Variants in DSE observed in about 807,000 individuals in gnomAD.
DSE encodes dermatan sulfate epimerase, also known as dermatan-sulfate epimerase.
DSE carries 36 observed loss-of-function variants against 84.4 expected under a neutral mutation model. That is an observed-to-expected ratio of 0.43 (90% confidence interval 0.33 to 0.56). The LOEUF is 0.56. Among genes scored for constraint, DSE ranks in the 20% least tolerant of loss-of-function variants. DSE has a pLI of 0.06. For synonymous variants in DSE, 410 were observed against 430.1 expected, an observed-to-expected ratio of 0.95 and a Z score of 0.58; for missense variants, 862 against 1,169.6, an observed-to-expected ratio of 0.74 and a Z score of 3.84.
chr6:116,356,689 C>G (rs1778589391), intron 2 of DSE, among the ~76,000 whole-genome samples: 1 of 152,168 alleles, frequency 6.6e-6, no homozygotes, highest in Non-Finnish European at 1.5e-5. Flanking sequence ...GTGACTTATT[C>G]TGGTAACCTG....
intron 2 of DSE, among the ~76,000 whole-genome samples, chr6:116,343,100 G>A (rs543307406): frequency 3.3e-5 from 5 of 152,194 alleles, no homozygotes; most frequent in Non-Finnish European, 5.9e-5. Context: ...CTGCGGGAGG[G>A]GCGTCTGCCA....
intron 2 of DSE, among the ~76,000 whole-genome samples, chr6:116,267,951 C>G (rs1178873832): frequency 6.6e-6 from 1 of 152,108 alleles, no homozygotes; most frequent in Non-Finnish European, 1.5e-5. Context: ...GAAGTCTGCC[C>G]CCATGATTCA....
chr6:116,356,430 TA>T (rs1311286934), intron 2 of DSE, among the ~76,000 whole-genome samples: 3 of 152,192 alleles, frequency 2.0e-5, no homozygotes, highest in Non-Finnish European at 4.4e-5. Flanking sequence ...GTTTTGGACA[TA>T]GGGGGTTACA....
At chr6:116,406,808 G>A (rs1383144817) in intron 2 of DSE, among the ~76,000 whole-genome samples, 4 of 151,984 alleles carry the variant, frequency 2.6e-5, no homozygotes, top group South Asian at 2.1e-4. Flanking sequence ...GTCAACATGC[G>A]AGTTCTGGAC....
intron 2 of DSE, among the ~76,000 whole-genome samples, chr6:116,260,350 G>T (rs186375511): frequency 3.3e-5 from 5 of 151,528 alleles, no homozygotes; most frequent in Admixed American, 6.6e-5. Context: ...TTTTTCTTGT[G>T]AATTTAAGTT....
At chr6:116,341,453 T>C (rs1308147531) in intron 2 of DSE, among the ~76,000 whole-genome samples, 1 of 152,232 alleles carries the variant, frequency 6.6e-6, no homozygotes, top group Non-Finnish European at 1.5e-5. Flanking sequence ...TGGTAGTTTC[T>C]TTTGCTGTGC....
At chr6:116,373,874 GATC>G in intron 1 of DSE, among the ~76,000 whole-genome samples, 1 of 152,166 alleles carries the variant, frequency 6.6e-6, no homozygotes, top group East Asian at 1.9e-4. Flanking sequence ...ACTTGCCTTG[GATC>G]ACACTGTGTT....
At chr6:116,258,677 C>T (rs771125517) in exon 2 of DSE, 2 of 1,609,998 alleles carry the variant, frequency 1.2e-6, no homozygotes, top group South Asian at 2.2e-5. Context: ...GCCTGATTCA[C>T]ACGGCGAAGT....
At chr6:116,368,529 G>A (rs1269914481), upstream of DSE, among the ~76,000 whole-genome samples, 2 of 152,202 alleles carry the variant, frequency 1.3e-5, no homozygotes, top group African/African-American at 4.8e-5. Context: ...TGCATTGAGT[G>A]TAGTTGTTTA....
rs140765634 is a variant in DSE at position 116,399,345 on chromosome 6, T to C, written c.95T>C (p.Met32Thr). ...ATCACCGACGAGAACCCAGAAGTTATGATTCCCTTCACCAATGCCAACTAC... is the reference window on the plus strand; with the variant it reads ...ATCACCGACGAGAACCCAGAAGTTACGATTCCCTTCACCAATGCCAACTAC... ...AYITDENPEV[M>T]IPFTNANYDS... Residue 32 changes from methionine (M) to threonine (T), a missense_variant, in exon 2 of 6, where the codon ATG becomes ACG. By Grantham distance (81) the Met-to-Thr change is moderately conservative (BLOSUM62 -1). Coordinates refer to ENST00000644252, the MANE Select transcript of DSE (RefSeq NM_013352.4). 1.5e-4 allele frequency: 240 copies of C among 1,613,996 alleles called. No homozygotes were observed. Among genetic ancestry groups the C allele is most frequent in the Non-Finnish European group, 2.0e-4 (231 of 1,180,052 alleles).
At chr6:116,386,757 T>C (rs1780600318) in intron 1 of DSE, among the ~76,000 whole-genome samples, 1 of 152,218 alleles carries the variant, frequency 6.6e-6, no homozygotes, top group East Asian at 1.9e-4. Context: ...TCAGGCAGAA[T>C]ATTCCAAGGG....
In DSE at chr6:116,439,493, G is replaced by A. The variant is rs1230541758; in HGVS notation, c.*2148G>A. 1 of 149,162 alleles carries A rather than the reference G, an allele frequency of 6.7e-6. No individual in the cohort carries two copies. Among genetic ancestry groups the A allele is most frequent in the Non-Finnish European group, 1.5e-5 (1 of 67,496 alleles). The allele number at this position is 149,162 out of a possible 1,614,324, so 9.2% of individuals were successfully genotyped here. A position where few individuals can be genotyped will look rare whatever the true frequency, so the allele number is the denominator to read the frequency against. On this transcript the variant is annotated 3_prime_UTR_variant, in exon 6 of 6. Transcript: ENST00000644252. The stretch of plus-strand genomic sequence containing the variant: ...CCTTAAAAAGAAACTTCCTCAGGCA[G>A]TGACTTAAGTGGTTAAGTGAAAAAA...
intron 1 of DSE, 44 bp from the exon 2 acceptor site, chr6:116,399,154 T>C: frequency 6.5e-7 from 1 of 1,531,946 alleles, no homozygotes; most frequent in Non-Finnish European, 8.9e-7. Context: ...TGTGCCATGT[T>C]CCCTTGGCTG....
chr6:116,396,171 A>G (rs1195610914), intron 1 of DSE, among the ~76,000 whole-genome samples: 1 of 152,230 alleles, frequency 6.6e-6, no homozygotes, highest in African/African-American at 2.4e-5. Flanking sequence ...CACAGCCAGC[A>G]TGCTGCCTTT....
chr6:116,346,388 G>A (rs556304052), intron 2 of DSE, among the ~76,000 whole-genome samples: 216 of 152,202 alleles, frequency 1.4e-3, no homozygotes, highest in Middle Eastern at 3.4e-3. Context: ...CTGGCAAACC[G>A]AATCCAGCAG....
At chr6:116,428,517 GC>G (rs1783598181) in intron 3 of DSE, among the ~76,000 whole-genome samples, 2 of 152,294 alleles carry the variant, frequency 1.3e-5, no homozygotes, top group South Asian at 2.1e-4. Flanking sequence ...ATGTCATTTT[GC>G]CCTGGCAGGA....
intron 2 of DSE, among the ~76,000 whole-genome samples, chr6:116,414,017 A>C (rs3822953): frequency 0.41 from 62,951 of 152,016 alleles, 13,538 homozygotes; most frequent in Admixed American, 0.51. Flanking sequence ...CTGAGTGTTC[A>C]GGCAGCGACA....
chr6:116,423,280 T>TA (rs1347420232), intron 2 of DSE: 2 of 152,282 alleles, frequency 1.3e-5, no homozygotes, highest in East Asian at 3.9e-4. Flanking sequence ...TAACTTACTG[T>TA]AAAAAATTGC....
rs1348358717 is a variant in DSE at position 116,444,707 on chromosome 6, C to T, written c.*7362C>T. ...TTATAAAAGATACCCCAGAGAGGTC[C>T]CTTGTCCCTTCCAACATGTGAGGCT... On this transcript the variant is annotated 3_prime_UTR_variant, in exon 6 of 6. Coordinates refer to ENST00000644252, the MANE Select transcript of DSE (RefSeq NM_013352.4). 1 of 152,108 alleles carries T rather than the reference C, an allele frequency of 6.6e-6. No individual in the cohort carries two copies. Among genetic ancestry groups the T allele is most frequent in the Non-Finnish European group, 1.5e-5 (1 of 68,028 alleles). The allele number at this position is 152,108 out of a possible 1,614,324, so 9.4% of individuals were successfully genotyped here.
Sources: gnomAD v4.1 joint callset for allele counts (sites outside exome capture counted in the v4.1 genomes callset) on GRCh38, gnomAD v4.1.1 for gene constraint, MANE v1.5 for transcripts, NCBI Gene and HGNC (gene_info 2026-07-23, HGNC 2026-07-21) for gene names.